The following COL9A1 variants were observed in gnomAD, a reference collection of about 807,000 sequenced individuals.
COL9A1 encodes collagen alpha-1(IX) chain.
In COL9A1, 104 loss-of-function variants were observed where a neutral mutation model predicts 142.6. The ratio of observed to expected loss-of-function variants is 0.73; its 90% CI spans 0.62 to 0.86. COL9A1 has a LOEUF of 0.86. Ranked by LOEUF, COL9A1 falls within the 40% of genes least tolerant of loss-of-function variation. The pLI, the probability that COL9A1 is intolerant of heterozygous loss-of-function variation, is 0.00. For missense variants in COL9A1, 1,210 were observed against 1,176.6 expected (o/e 1.03, Z -0.42); for synonymous variants, 466 against 396.0 (o/e 1.18, Z -2.10).
intron 20 of COL9A1, among the ~76,000 whole-genome samples, chr6:70,260,403 C>T (rs566565559): frequency 1.3e-5 from 2 of 151,970 alleles, no homozygotes; most frequent in East Asian, 1.9e-4. Flanking sequence ...ATTAGCCGGG[C>T]GTGGTGGCAG....
chr6:70,282,988 G>T, intron 6 of COL9A1, 70 bp from the exon 7 acceptor site: 1 of 1,613,868 alleles, frequency 6.2e-7, no homozygotes, highest in Non-Finnish European at 8.5e-7. Flanking sequence ...TACTTGAGCC[G>T]CGCACAAGCA....
rs551697092 is a variant in COL9A1 at position 70,279,096 on chromosome 6, T to A, written c.975+1716A>T. On this transcript the variant is annotated intron_variant, in intron 10 of 37. Transcript: ENST00000357250. ...ATTTTATTTACCAAAATAATTTTTT[T>A]AATTTAGTCAGAAATTTTCTTTTCA... is the stretch of plus-strand genomic sequence containing the variant. Among the ~76,000 whole-genome samples the A allele has an allele frequency of 3.2e-3, 483 of 152,370 alleles. 6 individuals are homozygous for A. Among genetic ancestry groups the A allele is most frequent in the African/African-American group, 0.011 (460 of 41,586 alleles).
At chr6:70,288,424 C>A (rs886822939) in intron 5 of COL9A1, among the ~76,000 whole-genome samples, 5 of 152,166 alleles carry the variant, frequency 3.3e-5, no homozygotes, top group African/African-American at 7.2e-5. Flanking sequence ...TCTCTCCCTT[C>A]TCCTACAATA....
intron 14 of COL9A1, among the ~76,000 whole-genome samples, chr6:70,271,171 C>T (rs16868863): frequency 4.6e-5 from 7 of 152,086 alleles, no homozygotes; most frequent in African/African-American, 1.2e-4. Context: ...ACTATGTCAA[C>T]GTTTTTGAAA....
intron 37 of COL9A1, among the ~76,000 whole-genome samples, chr6:70,225,349 G>A (rs1486713202): frequency 3.3e-5 from 5 of 152,118 alleles, no homozygotes; most frequent in African/African-American, 1.2e-4. Context: ...GAGAGAATCT[G>A]GGCCCTTCAC....
At chr6:70,258,227 G>C (rs1771449024) in intron 20 of COL9A1, among the ~76,000 whole-genome samples, 1 of 152,012 alleles carries the variant, frequency 6.6e-6, no homozygotes, top group South Asian at 2.1e-4. Flanking sequence ...TATCTACTAA[G>C]TGAATAAAAA....
chr6:70,240,830 T>A (rs1044820926), intron 31 of COL9A1, 97 bp from the exon 32 acceptor site: 9 of 939,460 alleles, frequency 9.6e-6, no homozygotes, highest in Non-Finnish European at 1.6e-5. Context: ...GTGCCCACAG[T>A]GTTCCCAGAA....
intron 23 of COL9A1, 59 bp from the exon 24 acceptor site, chr6:70,255,075 C>T (rs946952668): frequency 6.2e-7 from 1 of 1,613,218 alleles, no homozygotes; most frequent in Non-Finnish European, 8.5e-7. Context: ...TTTTTCCCTT[C>T]ATTATTTTCT....
intron 5 of COL9A1, among the ~76,000 whole-genome samples, chr6:70,289,304 T>TA (rs1213981820): frequency 1.3e-5 from 2 of 152,200 alleles, no homozygotes; most frequent in Non-Finnish European, 2.9e-5. Context: ...TGATTTTTTT[T>TA]ATTGCAACAC....
At chr6:70,221,098 GT>G (rs58207213) in intron 37 of COL9A1, among the ~76,000 whole-genome samples, 14,984 of 148,302 alleles carry the variant, frequency 0.1, 1,144 homozygotes, top group African/African-American at 0.22. Context: ...ATTGCTAAAC[GT>G]TTTTTTTTTA....
chr6:70,257,313 C>G (rs1414758185), intron 20 of COL9A1, among the ~76,000 whole-genome samples: 2 of 152,100 alleles, frequency 1.3e-5, no homozygotes, highest in Non-Finnish European at 2.9e-5. Context: ...CCCACCTTGG[C>G]CTCCCAAAGT....
chr6:70,271,607 C>A lies in COL9A1; in HGVS notation c.1143+48G>T, dbSNP rs559085408. 1.4e-3 allele frequency: 2,268 copies of A among 1,566,334 alleles called. 65 individuals are homozygous for A. In the South Asian group the frequency reaches 0.024, roughly 16 times the overall value. ...GGTAATTTGCTTTCCCAAATAACAT[C>A]TTCTATTAAATCAGCAAACGTCTAT... On this transcript the variant is annotated intron_variant, in intron 14 of 37. Transcript: ENST00000357250.
At chr6:70,301,314 GC>G (rs1774052806) in intron 2 of COL9A1, among the ~76,000 whole-genome samples, 1 of 152,158 alleles carries the variant, frequency 6.6e-6, no homozygotes, top group South Asian at 2.1e-4. Flanking sequence ...TGTGGCTCAC[GC>G]CTGTAATCCC....
chr6:70,249,750 C>G (rs1179139905), intron 28 of COL9A1, among the ~76,000 whole-genome samples: 3 of 151,910 alleles, frequency 2.0e-5, no homozygotes, highest in Non-Finnish European at 4.4e-5. Context: ...CTATGATTTG[C>G]CTCTCCTCAC....
chr6:70,237,982 T>A (rs551548049), intron 33 of COL9A1, among the ~76,000 whole-genome samples: 3 of 152,172 alleles, frequency 2.0e-5, no homozygotes, highest in Non-Finnish European at 4.4e-5. Context: ...TTAAACAGCA[T>A]GTAAAAGAAA....
intron 6 of COL9A1, chr6:70,283,285 G>A: frequency 1.4e-6 from 2 of 1,397,738 alleles, no homozygotes; most frequent in Non-Finnish European, 1.9e-6. Context: ...AGGACGGATA[G>A]AATGACAACA....
intron 18 of COL9A1, 27 bp downstream of exon 18, chr6:70,266,690 T>G (rs368537411): frequency 8.9e-6 from 14 of 1,573,962 alleles, no homozygotes; most frequent in African/African-American, 1.3e-5. Flanking sequence ...AATCACAATT[T>G]ATCCACTAAA....
chr6:70,224,064 T>G (rs1769069320), intron 37 of COL9A1, among the ~76,000 whole-genome samples: 1 of 152,128 alleles, frequency 6.6e-6, no homozygotes, highest in Admixed American at 6.5e-5. Context: ...GGACAGGTAT[T>G]AGGAGTCCCC....
chr6:70,280,565 C>T (rs1773081879), intron 10 of COL9A1: 1 of 1,393,886 alleles, frequency 7.2e-7, no homozygotes, highest in African/African-American at 1.5e-5. Flanking sequence ...AGCCAGTACC[C>T]GCTGCTGTTT....
Sources: allele counts gnomAD v4.1 joint callset (sites outside exome capture counted in the v4.1 genomes callset), GRCh38; gene constraint gnomAD v4.1.1; transcripts MANE v1.5; gene names NCBI Gene and HGNC (gene_info 2026-07-23, HGNC 2026-07-21).